FAM83B: variants seen among roughly 807,000 people sequenced by gnomAD.
FAM83B encodes protein FAM83B.
In FAM83B, 26 loss-of-function variants were observed where a neutral mutation model predicts 38.8. That is an observed-to-expected ratio of 0.67 (90% confidence interval 0.49 to 0.93). FAM83B has a LOEUF of 0.93. FAM83B is among the 40% of genes least tolerant of loss of function. The pLI, the probability that FAM83B is intolerant of heterozygous loss-of-function variation, is 0.00. For missense variants in FAM83B, 1,237 were observed against 1,197.3 expected (o/e 1.03, Z -0.49); for synonymous variants, 419 against 423.1 (o/e 0.99, Z 0.12).
intron 1 of FAM83B, among the ~76,000 whole-genome samples, chr6:54,852,544 A>C (rs1328426298): frequency 1.3e-5 from 2 of 152,174 alleles, no homozygotes; most frequent in Non-Finnish European, 2.9e-5. Flanking sequence ...AAATTAGGCC[A>C]CTTAATAACT....
chr6:54,942,035 A>G lies in FAM83B; in HGVS notation c.*28A>G, dbSNP rs1773717450. 1.9e-6 allele frequency: 3 copies of G among 1,563,544 alleles called. No homozygotes were observed. Among genetic ancestry groups the G allele is most frequent in the Middle Eastern group, 1.7e-4 (1 of 5,784 alleles). Reference sequence around the variant, plus strand: ...ATTAAAATGCAAAATGAATGAGGCTATCAATATTTGTCCAAAGAAAATTGT... The same window carrying G: ...ATTAAAATGCAAAATGAATGAGGCTGTCAATATTTGTCCAAAGAAAATTGT... On this transcript the variant is annotated 3_prime_UTR_variant, in exon 5 of 5. Transcript: ENST00000306858.
At chr6:54,868,446 A>G (rs1771769043) in intron 1 of FAM83B, among the ~76,000 whole-genome samples, 4 of 152,164 alleles carry the variant, frequency 2.6e-5, no homozygotes, top group Admixed American at 2.6e-4. Flanking sequence ...CATATCCTAG[A>G]ATGATTGAGA....
intron 2 of FAM83B, among the ~76,000 whole-genome samples, chr6:54,902,872 A>C (rs190265263): frequency 5.9e-5 from 9 of 152,332 alleles, no homozygotes; most frequent in African/African-American, 1.2e-4. Flanking sequence ...TTAGGAGTAA[A>C]ACAAAATGAT....
At chr6:54,904,796 G>A (rs1254264521) in intron 2 of FAM83B, among the ~76,000 whole-genome samples, 1 of 152,204 alleles carries the variant, frequency 6.6e-6, no homozygotes, top group East Asian at 1.9e-4. Flanking sequence ...TGGCATAGTA[G>A]GAGTGGGTGG....
chr6:54,878,765 C>T (rs1772056907), intron 2 of FAM83B, among the ~76,000 whole-genome samples: 1 of 152,182 alleles, frequency 6.6e-6, no homozygotes, highest in South Asian at 2.1e-4. Context: ...AAAAGAGAGA[C>T]ATCAATTTTA....
chr6:54,936,930 A>G lies in FAM83B; in HGVS notation c.735-2776A>G, dbSNP rs796908235. 2.7e-5 allele frequency among the ~76,000 whole-genome samples: 4 copies of G among 147,234 alleles called. No individual in the cohort carries two copies. The East Asian group carries it at 6.0e-4, about 22-fold the overall frequency. On this transcript the variant is annotated intron_variant, in intron 4 of 4. Transcript: ENST00000306858. The stretch of plus-strand genomic sequence containing the variant: ...TTAAGTCAGCCCAGTGGCATAATAA[A>G]TATTCCTTCTGTATCATGCTTCCTA...
At chr6:54,865,186 G>T (rs1274584862) in intron 1 of FAM83B, among the ~76,000 whole-genome samples, 1 of 152,182 alleles carries the variant, frequency 6.6e-6, no homozygotes, top group Non-Finnish European at 1.5e-5. Flanking sequence ...CTGAAGTCTA[G>T]ATGTTTGGAA....
At chr6:54,917,750 T>G (rs1773079486) in intron 2 of FAM83B, among the ~76,000 whole-genome samples, 1 of 152,186 alleles carries the variant, frequency 6.6e-6, no homozygotes. Context: ...GAAAAATTAA[T>G]AGTAAGCGAT....
At chr6:54,873,824 G>A (rs1771924083) in intron 2 of FAM83B, among the ~76,000 whole-genome samples, 1 of 151,846 alleles carries the variant, frequency 6.6e-6, no homozygotes, top group Admixed American at 6.6e-5. Context: ...AAAGATCTCA[G>A]ATAAGAATTT....
chr6:54,902,649 G>A (rs1259816973), intron 2 of FAM83B, among the ~76,000 whole-genome samples: 1 of 148,430 alleles, frequency 6.7e-6, no homozygotes, highest in African/African-American at 2.6e-5. Flanking sequence ...AGATTAAGAG[G>A]ACCATAGAAT....
chr6:54,927,754 A>G (rs1249952734), intron 4 of FAM83B, 122 bp downstream of exon 4: 6 of 745,572 alleles, frequency 8.0e-6, no homozygotes, highest in Non-Finnish European at 7.6e-6. Context: ...AAAAAAAAAA[A>G]GAGAACACTT....
intron 2 of FAM83B, among the ~76,000 whole-genome samples, chr6:54,902,117 C>A (rs1243237689): frequency 6.6e-6 from 1 of 152,074 alleles, no homozygotes; most frequent in Non-Finnish European, 1.5e-5. Flanking sequence ...ACATTGACAC[C>A]AAGCTGTATT....
At chr6:54,886,543 G>C (rs1772279328) in intron 2 of FAM83B, among the ~76,000 whole-genome samples, 1 of 151,854 alleles carries the variant, frequency 6.6e-6, no homozygotes, top group Non-Finnish European at 1.5e-5. Context: ...AGGAACACCT[G>C]AGTTTTTCTT....
chr6:54,885,933 G>C (rs536494140), intron 2 of FAM83B, among the ~76,000 whole-genome samples: 1 of 150,698 alleles, frequency 6.6e-6, no homozygotes, highest in Non-Finnish European at 1.5e-5. Flanking sequence ...AAACCCGCAC[G>C]TTGTGCACAT....
rs57071964 is a variant in FAM83B at position 54,847,391 on chromosome 6, G to T, written c.-61+565G>T. Among the ~76,000 whole-genome samples, 1,241 of 151,728 alleles carry T rather than the reference G, an allele frequency of 8.2e-3. 15 individuals are homozygous for T. The highest frequency in any genetic ancestry group is 0.029 in the African/African-American group (1,181 of 41,262). ...AGTTTTTTCACACAACCTCTTAATT[G>T]TACAGGATCCCGTTTCTGAGTGCAG... On this transcript the variant is annotated intron_variant, in intron 1 of 4. Coordinates refer to ENST00000306858, the MANE Select transcript of FAM83B (RefSeq NM_001010872.3).
chr6:54,918,076 T>A (rs1773086109), intron 2 of FAM83B, among the ~76,000 whole-genome samples: 1 of 152,128 alleles, frequency 6.6e-6, no homozygotes, highest in Non-Finnish European at 1.5e-5. Context: ...AAATTGAGAA[T>A]GAAGGAAAAT....
chr6:54,931,403 G>A (rs1406043903), intron 4 of FAM83B, among the ~76,000 whole-genome samples: 1 of 152,030 alleles, frequency 6.6e-6, no homozygotes, highest in African/African-American at 2.4e-5. Flanking sequence ...TACTAATACT[G>A]TGTTGCTGTC....
chr6:54,857,429 C>T (rs1312137121), intron 1 of FAM83B, among the ~76,000 whole-genome samples: 1 of 152,088 alleles, frequency 6.6e-6, no homozygotes, highest in African/African-American at 2.4e-5. Flanking sequence ...TGAGGTTGAA[C>T]GAGACTGAAC....
chr6:54,932,724 T>C (rs1773451238), intron 4 of FAM83B, among the ~76,000 whole-genome samples: 1 of 152,050 alleles, frequency 6.6e-6, no homozygotes, highest in Admixed American at 6.6e-5. Flanking sequence ...TGAAGGACAG[T>C]TTTGCTGGAT....
Sources: gnomAD v4.1 joint callset for allele counts (sites outside exome capture counted in the v4.1 genomes callset) on GRCh38, gnomAD v4.1.1 for gene constraint, MANE v1.5 for transcripts, NCBI Gene and HGNC (gene_info 2026-07-23, HGNC 2026-07-21) for gene names.